Variants in TAOK3 observed in about 807,000 individuals in gnomAD.
TAOK3 encodes TAO kinase 3.
In TAOK3, 40 loss-of-function variants were observed where a neutral mutation model predicts 120.4. The ratio of observed to expected loss-of-function variants is 0.33; its 90% CI spans 0.26 to 0.43. The LOEUF (loss-of-function observed/expected upper bound fraction) is 0.43. TAOK3 is among the 20% of genes least tolerant of loss of function. TAOK3 has a pLI of 1.00. For missense variants in TAOK3, 821 were observed against 1,112.1 expected (o/e 0.74, Z 3.72); for synonymous variants, 355 against 387.5 (o/e 0.92, Z 0.99).
intron 1 of TAOK3, among the ~76,000 whole-genome samples, chr12:118,292,153 G>A (rs1414632481): frequency 2.0e-5 from 3 of 152,058 alleles, no homozygotes; most frequent in Non-Finnish European, 4.4e-5. Context: ...TTTTCCCCGT[G>A]GATAGTCATA....
In TAOK3 at chr12:118,285,828, T is replaced by G. The variant is rs144126338; in HGVS notation, c.-193-19069A>C. Among the ~76,000 whole-genome samples the G allele has an allele frequency of 6.1e-3, 932 of 152,308 alleles. 3 individuals carry two copies. The highest frequency in any genetic ancestry group is 9.1e-3 in the Non-Finnish European group (621 of 68,028). On this transcript the variant is annotated intron_variant, in intron 1 of 20. Transcript: ENST00000392533. Reference sequence around the variant, plus strand: ...CAAGGTGGTCAGAGCAGTTTGGTTTTGTACATTCTAGGGAGAAATGAGACA... The same window carrying G: ...CAAGGTGGTCAGAGCAGTTTGGTTTGGTACATTCTAGGGAGAAATGAGACA...
Position 118,214,955 on chromosome 12 carries a change from G to T in TAOK3, c.644-845C>A, listed in dbSNP as rs549477733. 4.5e-4 allele frequency among the ~76,000 whole-genome samples: 69 copies of T among 151,758 alleles called. 1 individual carries two copies. In the South Asian group the frequency reaches 0.014, roughly 31 times the overall value. ...AGATGGGGTTTCTCCACGTTGGTCA[G>T]GCTGGTCTTGAACTCCCAGCCTCAG... On this transcript the variant is annotated intron_variant, in intron 9 of 20. Coordinates refer to ENST00000392533, the MANE Select transcript of TAOK3 (RefSeq NM_016281.4).
At chr12:118,339,006 A>T (rs78569094) in intron 1 of TAOK3, among the ~76,000 whole-genome samples, 1 of 152,002 alleles carries the variant, frequency 6.6e-6, no homozygotes, top group Admixed American at 6.6e-5. Flanking sequence ...ACCAGCAAAG[A>T]GTGTGGTGTG....
chr12:118,237,040 T>C (rs1363896173), intron 7 of TAOK3, among the ~76,000 whole-genome samples: 1 of 152,166 alleles, frequency 6.6e-6, no homozygotes, highest in Non-Finnish European at 1.5e-5. Flanking sequence ...CAAAGACATA[T>C]ATTTACAAAA....
chr12:118,313,072 G>C (rs1191163306), intron 1 of TAOK3, among the ~76,000 whole-genome samples: 1 of 152,004 alleles, frequency 6.6e-6, no homozygotes, highest in Non-Finnish European at 1.5e-5. Context: ...TATTTTAAAA[G>C]AGTTAAAAGC....
rs1472610335 is a variant in TAOK3 at position 118,150,049 on chromosome 12, G to A, written c.*948C>T. On this transcript the variant is annotated 3_prime_UTR_variant, in exon 21 of 21. Transcript: ENST00000392533. ...ATAAAGAAAAAGATCAAGATGATCTGATTGAGAGACAGTGTTGAACTCCAA... is the reference window on the plus strand; with the variant it reads ...ATAAAGAAAAAGATCAAGATGATCTAATTGAGAGACAGTGTTGAACTCCAA... The A allele has an allele frequency of 6.6e-6, 1 of 152,430 alleles. No individual in the cohort carries two copies. Among genetic ancestry groups the A allele is most frequent in the Non-Finnish European group, 1.5e-5 (1 of 68,034 alleles). 9.4% of individuals were successfully genotyped at this position (152,430 alleles called of 1,614,324 possible).
intron 9 of TAOK3, among the ~76,000 whole-genome samples, chr12:118,217,816 CATATATATAT>C (rs57197721): frequency 0.013 from 579 of 45,968 alleles, 12 homozygotes; most frequent in African/African-American, 0.018. Flanking sequence ...TGTGTGTATA[CATATATATAT>C]ATATATATAT....
chr12:118,232,309 A>G (rs548178983), intron 9 of TAOK3, among the ~76,000 whole-genome samples: 1 of 152,346 alleles, frequency 6.6e-6, no homozygotes, highest in East Asian at 1.9e-4. Context: ...AGATAACTGT[A>G]ACAATATTTG....
intron 4 of TAOK3, among the ~76,000 whole-genome samples, chr12:118,244,527 CTTTTTCTTTT>C (rs1444181369): frequency 7.7e-6 from 1 of 129,558 alleles, no homozygotes; most frequent in African/African-American, 2.9e-5. Flanking sequence ...TTTCTTTTTT[CTTTTTCTTTT>C]TTTTTTTTTG....
chr12:118,347,940 T>G (rs2044943740), intron 1 of TAOK3, among the ~76,000 whole-genome samples: 1 of 152,228 alleles, frequency 6.6e-6, no homozygotes, highest in African/African-American at 2.4e-5. Context: ...TCTGATTGCA[T>G]CAGTCTTTTC....
Position 118,152,171 on chromosome 12 carries a change from C to T in TAOK3, c.2535+56G>A, listed in dbSNP as rs143566962. Reference sequence around the variant, plus strand: ...GGAAGGCTGCATATATGGCAGTTCCCTCAGCCACGCCCCCTTCCACCCAGT... The same window carrying T: ...GGAAGGCTGCATATATGGCAGTTCCTTCAGCCACGCCCCCTTCCACCCAGT... On this transcript the variant is annotated intron_variant, in intron 20 of 20. Coordinates refer to ENST00000392533, the MANE Select transcript of TAOK3 (RefSeq NM_016281.4). The T allele has an allele frequency of 5.8e-6, 9 of 1,540,442 alleles. No individual in the cohort carries two copies. The East Asian group carries it at 1.6e-4, about 27-fold the overall frequency.
rs567098631 is a variant in TAOK3, at chr12:118,244,673, C to T, written c.192+221G>A. On this transcript the variant is annotated intron_variant, in intron 4 of 20. Coordinates refer to ENST00000392533, the MANE Select transcript of TAOK3 (RefSeq NM_016281.4). ...TCTCCTGAGTAGCTGGGACTACAGG[C>T]GCCCGCCACCACGCCCGGCTAATTT... is the stretch of plus-strand genomic sequence containing the variant. 5.9e-5 allele frequency among the ~76,000 whole-genome samples: 9 copies of T among 151,654 alleles called. No individual in the cohort carries two copies. The East Asian group carries it at 1.4e-3, about 23-fold the overall frequency.
At chr12:118,335,732 T>A (rs1434964388) in intron 1 of TAOK3, among the ~76,000 whole-genome samples, 1 of 152,056 alleles carries the variant, frequency 6.6e-6, no homozygotes, top group Non-Finnish European at 1.5e-5. Context: ...CTTGGGAGGC[T>A]GAGGAAGAAT....
intron 9 of TAOK3, among the ~76,000 whole-genome samples, chr12:118,228,499 C>T (rs1049590373): frequency 1.3e-5 from 2 of 152,112 alleles, no homozygotes; most frequent in Admixed American, 6.6e-5. Context: ...ATAAAATTTT[C>T]ATAACTGGCA....
In TAOK3 at chr12:118,160,138, C is replaced by G. The variant is rs79932870; in HGVS notation, c.2352+8G>C. On this transcript the variant is annotated splice_region_variant and intron_variant, in intron 19 of 20. Coordinates refer to ENST00000392533, the MANE Select transcript of TAOK3 (RefSeq NM_016281.4). The surrounding 1 kb of genome is among the most constrained non-coding windows in gnomAD (Gnocchi z 4.2). ...CTCGAAGCCGTGGCACCAAACCTAA[C>G]CACTTACCGCTTGAGAGGCCATCAT... 6.2e-7 allele frequency: 1 copy of G among 1,611,664 alleles called. No individual in the cohort carries two copies. Among genetic ancestry groups the G allele is most frequent in the African/African-American group, 1.3e-5 (1 of 74,882 alleles).
chr12:118,251,924 C>T (rs2040772089), intron 3 of TAOK3, among the ~76,000 whole-genome samples: 1 of 151,992 alleles, frequency 6.6e-6, no homozygotes, highest in Non-Finnish European at 1.5e-5. Flanking sequence ...CGGGTTCATG[C>T]CATTCTCCTG....
rs1236457820 is a variant in TAOK3, at chr12:118,201,480, G to A, written c.820-17C>T. 2.5e-6 allele frequency: 4 copies of A among 1,588,686 alleles called. No homozygotes were observed. The highest frequency in any genetic ancestry group is 2.2e-5 in the East Asian group (1 of 44,556). ...AAAGTCATGCTGATTGAGGGAGGAG[G>A]AAAAAATAAACTGATAATGAAGAAA... On this transcript the variant is annotated splice_polypyrimidine_tract_variant and intron_variant, in intron 11 of 20. Transcript: ENST00000392533.
rs375356339 is a variant in TAOK3, at chr12:118,207,270, G to A, written c.819+5644C>T. On this transcript the variant is annotated intron_variant, in intron 11 of 20. Transcript: ENST00000392533. ...GAACCAGGGAGGCAGAGGTTGCCAT[G>A]AGCCGAGATCGTGCCATTGCACTCC... Among the ~76,000 whole-genome samples the A allele has an allele frequency of 4.6e-5, 7 of 151,040 alleles. No individual in the cohort carries two copies. In the East Asian group the frequency reaches 1.2e-3, roughly 26 times the overall value.
intron 17 of TAOK3, 143 bp from the exon 18 acceptor site, chr12:118,162,170 A>G (rs2035263918): frequency 9.3e-7 from 1 of 1,073,912 alleles, no homozygotes; most frequent in Non-Finnish European, 1.3e-6. Context: ...GCAGGACTTA[A>G]TGAGATTAAA....
Sources: allele counts gnomAD v4.1 joint callset (sites outside exome capture counted in the v4.1 genomes callset), GRCh38; gene constraint gnomAD v4.1.1; non-coding constraint Gnocchi (gnomAD v3.1); transcripts MANE v1.5; gene names NCBI Gene and HGNC (gene_info 2026-07-23, HGNC 2026-07-21).